Variants in NKAIN3 observed in about 807,000 individuals in gnomAD.
NKAIN3 encodes the protein sodium/potassium-transporting ATPase subunit beta-1-interacting protein 3.
NKAIN3 carries 25 observed loss-of-function variants against 30.2 expected under a neutral mutation model. The ratio of observed to expected loss-of-function variants is 0.83; its 90% CI spans 0.60 to 1.16. NKAIN3 has a LOEUF of 1.16. Ranked by LOEUF, NKAIN3 falls within the 50% of genes most tolerant of loss-of-function variation. NKAIN3 has a pLI of 0.00. For missense variants in NKAIN3, 225 were observed against 254.1 expected (o/e 0.89, Z 0.78); for synonymous variants, 91 against 89.6 (o/e 1.02, Z -0.09).
At chr8:62,394,700 G>A (rs78665880) in intron 1 of NKAIN3, among the ~76,000 whole-genome samples, 10 of 60,716 alleles carry the variant, frequency 1.6e-4, no homozygotes, top group African/African-American at 3.2e-4. Flanking sequence ...CTTCTCAGAC[G>A]GTGGGGCGGC....
chr8:62,653,164 T>C (rs1458908511), intron 3 of NKAIN3, among the ~76,000 whole-genome samples: 4 of 152,108 alleles, frequency 2.6e-5, no homozygotes, highest in Non-Finnish European at 5.9e-5. Context: ...GTAACAGAAA[T>C]GTATTTTCCC....
chr8:62,443,026 A>G (rs1251543997), intron 1 of NKAIN3, among the ~76,000 whole-genome samples: 3 of 151,966 alleles, frequency 2.0e-5, no homozygotes, highest in African/African-American at 7.2e-5. Flanking sequence ...TGTATATTCC[A>G]TGTGTACTTA....
chr8:62,818,603 T>C (rs113092396), intron 4 of NKAIN3, among the ~76,000 whole-genome samples: 1,609 of 152,226 alleles, frequency 0.011, 22 homozygotes, highest in South Asian at 0.031. Context: ...CAATTATGTG[T>C]CAAGCACTAC....
In NKAIN3 at chr8:62,977,262, C is replaced by A. The variant is rs2130920123; in HGVS notation, c.*11855C>A. On this transcript the variant is annotated 3_prime_UTR_variant, in exon 7 of 7. Coordinates refer to ENST00000623646, the MANE Select transcript of NKAIN3 (RefSeq NM_001304533.3). The stretch of plus-strand genomic sequence containing the variant: ...CCTGCCTTGCGAGGTTGGGGAAGTT[C>A]TCCTGGATTATATCCTAAATTGTGC... Among the ~76,000 whole-genome samples the A allele has an allele frequency of 6.6e-6, 1 of 152,264 alleles. No individual in the cohort carries two copies. The highest frequency in any genetic ancestry group is 1.5e-5 in the Non-Finnish European group (1 of 68,020).
At chr8:62,291,717 A>G (rs1813640414) in intron 1 of NKAIN3, among the ~76,000 whole-genome samples, 1 of 152,146 alleles carries the variant, frequency 6.6e-6, no homozygotes, top group Non-Finnish European at 1.5e-5. Context: ...TATTCTGTTG[A>G]TTTGGGGTGG....
At chr8:62,635,299 C>T (rs1563493656) in intron 3 of NKAIN3, among the ~76,000 whole-genome samples, 1 of 152,122 alleles carries the variant, frequency 6.6e-6, no homozygotes, top group Non-Finnish European at 1.5e-5. Flanking sequence ...CTGAGCTTTC[C>T]ATAAATTGTA....
chr8:62,550,772 A>G (rs1809179818), intron 1 of NKAIN3, among the ~76,000 whole-genome samples: 1 of 152,200 alleles, frequency 6.6e-6, no homozygotes, highest in African/African-American at 2.4e-5. Flanking sequence ...CCTTTGTTAT[A>G]GGAAATGGGA....
At chr8:62,865,262 C>G (rs1388482990) in intron 4 of NKAIN3, among the ~76,000 whole-genome samples, 1 of 152,138 alleles carries the variant, frequency 6.6e-6, no homozygotes, top group Non-Finnish European at 1.5e-5. Flanking sequence ...CCAGAAAAAA[C>G]GATCCTCAGC....
At chr8:62,921,708 A>T (rs1439105582) in intron 5 of NKAIN3, among the ~76,000 whole-genome samples, 1 of 152,172 alleles carries the variant, frequency 6.6e-6, no homozygotes, top group Non-Finnish European at 1.5e-5. Flanking sequence ...TTTTAAATAT[A>T]TATACATAAA....
At chr8:62,580,750 A>T (rs1810261355) in intron 2 of NKAIN3, among the ~76,000 whole-genome samples, 1 of 152,052 alleles carries the variant, frequency 6.6e-6, no homozygotes, top group African/African-American at 2.4e-5. Context: ...GATAGCTCTC[A>T]ATTTGCTGCC....
At chr8:62,491,800 G>T (rs907768830) in intron 1 of NKAIN3, among the ~76,000 whole-genome samples, 1 of 152,024 alleles carries the variant, frequency 6.6e-6, no homozygotes, top group Non-Finnish European at 1.5e-5. Context: ...ATGAGTAAGG[G>T]AGAGTATTGA....
intron 1 of NKAIN3, among the ~76,000 whole-genome samples, chr8:62,448,784 AT>A (rs1805558749): frequency 6.6e-6 from 1 of 151,780 alleles, no homozygotes; most frequent in Non-Finnish European, 1.5e-5. Flanking sequence ...TCTAGATCAA[AT>A]TTTAAAGTTA....
At chr8:62,482,996 AG>A (rs1217237228) in intron 1 of NKAIN3, 1 of 152,218 alleles carries the variant, frequency 6.6e-6, no homozygotes, top group African/African-American at 2.4e-5. Flanking sequence ...TGAGCAGTGC[AG>A]TACGGGAGAA....
intron 1 of NKAIN3, among the ~76,000 whole-genome samples, chr8:62,308,257 G>A (rs983164922): frequency 1.3e-5 from 2 of 150,370 alleles, no homozygotes; most frequent in Non-Finnish European, 2.9e-5. Context: ...TGCATCCTCT[G>A]CCACTCCTCC....
At chr8:62,454,806 A>G (rs1356061527) in intron 1 of NKAIN3, among the ~76,000 whole-genome samples, 1 of 152,244 alleles carries the variant, frequency 6.6e-6, no homozygotes, top group Non-Finnish European at 1.5e-5. Context: ...AATAAATAAA[A>G]CAAATTCCAT....
At chr8:62,571,425 T>C (rs1038828265) in intron 1 of NKAIN3, among the ~76,000 whole-genome samples, 4 of 152,110 alleles carry the variant, frequency 2.6e-5, no homozygotes, top group African/African-American at 9.7e-5. Context: ...CCAGCTGCTT[T>C]CGTGGGCTAA....
chr8:62,566,625 A>G (rs865972338), intron 1 of NKAIN3, among the ~76,000 whole-genome samples: 9 of 152,062 alleles, frequency 5.9e-5, no homozygotes, highest in African/African-American at 2.2e-4. Context: ...CTTTCTCTCC[A>G]TCTAGTCATC....
intron 1 of NKAIN3, among the ~76,000 whole-genome samples, chr8:62,366,603 A>G (rs1484159585): frequency 1.3e-5 from 2 of 152,110 alleles, no homozygotes; most frequent in Non-Finnish European, 2.9e-5. Flanking sequence ...AGTTAACCTC[A>G]CTAAAGTATT....
chr8:62,676,708 AAC>A (rs975183355), intron 3 of NKAIN3, among the ~76,000 whole-genome samples: 17 of 150,008 alleles, frequency 1.1e-4, no homozygotes, highest in Admixed American at 4.6e-4. Flanking sequence ...GTATATTAAT[AAC>A]AGTCTTTTTT....
Sources: allele counts gnomAD v4.1 joint callset (sites outside exome capture counted in the v4.1 genomes callset), GRCh38; gene constraint gnomAD v4.1.1; transcripts MANE v1.5; gene names NCBI Gene and HGNC (gene_info 2026-07-23, HGNC 2026-07-21).